GALNT13: variants seen among roughly 807,000 people sequenced by gnomAD.
The protein encoded by GALNT13 is polypeptide N-acetylgalactosaminyltransferase 13.
A neutral mutation model predicts 64.2 loss-of-function variants in GALNT13; 28 were observed. The observed-to-expected ratio is 0.44, with a 90% CI of 0.32 to 0.60. The LOEUF (loss-of-function observed/expected upper bound fraction) is 0.60. GALNT13 is among the 20% of genes least tolerant of loss of function. The pLI, the probability that GALNT13 is intolerant of heterozygous loss-of-function variation, is 0.05. For synonymous variants in GALNT13, 214 were observed against 224.6 expected (o/e 0.95, Z 0.42); for missense variants, 577 against 669.8 (o/e 0.86, Z 1.53).
the GALNT13 span, among the ~76,000 whole-genome samples, chr2:153,111,952 A>G: frequency 6.6e-6 from 1 of 152,208 alleles, no homozygotes; most frequent in Non-Finnish European, 1.5e-5. Flanking sequence ...TACATAGGCC[A>G]TTATCCTAGT....
At chr2:154,007,133 A>G (rs1402549133) in intron 3 of GALNT13, among the ~76,000 whole-genome samples, 1 of 152,236 alleles carries the variant, frequency 6.6e-6, no homozygotes, top group Non-Finnish European at 1.5e-5. Flanking sequence ...AGACGCTCTT[A>G]CTGGCCTTGA....
At chr2:154,202,814 C>A (rs936379895) in intron 4 of GALNT13, among the ~76,000 whole-genome samples, 1 of 152,100 alleles carries the variant, frequency 6.6e-6, no homozygotes, top group Non-Finnish European at 1.5e-5. Context: ...TGACTACCAT[C>A]GGTGATTCCA....
the GALNT13 span, among the ~76,000 whole-genome samples, chr2:153,689,885 C>A: frequency 6.6e-6 from 1 of 152,018 alleles, no homozygotes; most frequent in Admixed American, 6.6e-5. Flanking sequence ...AAGGGACATT[C>A]ATTTTGTATC....
the GALNT13 span, among the ~76,000 whole-genome samples, chr2:153,068,874 C>G: frequency 6.6e-6 from 1 of 152,132 alleles, no homozygotes; most frequent in Non-Finnish European, 1.5e-5. Context: ...TTCTCCTCCC[C>G]AATTGAATAA....
chr2:153,414,047 T>C, the GALNT13 span, among the ~76,000 whole-genome samples: 1 of 152,192 alleles, frequency 6.6e-6, no homozygotes, highest in Non-Finnish European at 1.5e-5. Context: ...ATAAGCTTTA[T>C]GAGAAATTTT....
At chr2:153,377,429 G>T in the GALNT13 span, among the ~76,000 whole-genome samples, 1 of 152,168 alleles carries the variant, frequency 6.6e-6, no homozygotes, top group Admixed American at 6.5e-5. Flanking sequence ...GAGGTGTTTT[G>T]GTCATGAGGG....
chr2:153,967,476 T>C (rs1157756900), intron 3 of GALNT13, among the ~76,000 whole-genome samples: 2 of 152,188 alleles, frequency 1.3e-5, no homozygotes, highest in African/African-American at 4.8e-5. Context: ...CCAGGAACAC[T>C]GTGGCTCTTC....
At chr2:153,693,879 C>T in the GALNT13 span, among the ~76,000 whole-genome samples, 1 of 152,026 alleles carries the variant, frequency 6.6e-6, no homozygotes, top group African/African-American at 2.4e-5. Flanking sequence ...CTTTGGGAGG[C>T]CGAGGTGGGC....
At chr2:154,004,018 C>A (rs1318378012) in intron 3 of GALNT13, among the ~76,000 whole-genome samples, 1 of 152,118 alleles carries the variant, frequency 6.6e-6, no homozygotes, top group Non-Finnish European at 1.5e-5. Context: ...AAAAAACAGA[C>A]TAATACATAC....
At chr2:153,418,630 G>T in the GALNT13 span, among the ~76,000 whole-genome samples, 1 of 152,158 alleles carries the variant, frequency 6.6e-6, no homozygotes, top group Non-Finnish European at 1.5e-5. Flanking sequence ...TGGAGGTCAC[G>T]GATGACCTTG....
chr2:153,872,699 C>A (rs1439989669), intron 1 of GALNT13, among the ~76,000 whole-genome samples: 1 of 150,760 alleles, frequency 6.6e-6, no homozygotes, highest in African/African-American at 2.4e-5. Flanking sequence ...GCCTCCAAGC[C>A]CAGACAACTT....
At chr2:153,632,735 T>C in the GALNT13 span, among the ~76,000 whole-genome samples, 1 of 152,086 alleles carries the variant, frequency 6.6e-6, no homozygotes, top group African/African-American at 2.4e-5. Context: ...ATAGCTCATT[T>C]ATTTATTTTT....
At position 154,206,654 on chromosome 2, in the gene GALNT13, G is replaced by A. The variant is rs557600942; in HGVS notation, c.312-35376G>A. On this transcript the variant is annotated intron_variant, in intron 4 of 12. Transcript: ENST00000392825. ...TACTAAAAATACAAAAACATTAGCC[G>A]GGTGTGGTGGTGGGTGCCTGTAATC... 2.0e-3 allele frequency among the ~76,000 whole-genome samples: 299 copies of A among 151,900 alleles called. 1 individual carries two copies. The highest frequency in any genetic ancestry group is 6.6e-3 in the African/African-American group (273 of 41,454).
chr2:153,686,941 A>G, the GALNT13 span, among the ~76,000 whole-genome samples: 4 of 152,068 alleles, frequency 2.6e-5, no homozygotes, highest in Non-Finnish European at 5.9e-5. Flanking sequence ...GATGAATCAC[A>G]TTTATTGATT....
At chr2:153,432,163 C>T in the GALNT13 span, among the ~76,000 whole-genome samples, 1 of 152,134 alleles carries the variant, frequency 6.6e-6, no homozygotes, top group Non-Finnish European at 1.5e-5. Context: ...AACAACCTTG[C>T]TTCCTAGAGT....
chr2:154,287,946 AG>A (rs1692369561), intron 8 of GALNT13, among the ~76,000 whole-genome samples: 1 of 152,126 alleles, frequency 6.6e-6, no homozygotes, highest in Non-Finnish European at 1.5e-5. Flanking sequence ...CGGAGATTCT[AG>A]GTGCCTCAAA....
the GALNT13 span, among the ~76,000 whole-genome samples, chr2:153,668,369 G>A: frequency 6.6e-6 from 1 of 152,092 alleles, no homozygotes; most frequent in African/African-American, 2.4e-5. Flanking sequence ...TAAAGCAATT[G>A]TCAAAAATTC....
At chr2:153,359,940 T>C in the GALNT13 span, among the ~76,000 whole-genome samples, 1 of 152,202 alleles carries the variant, frequency 6.6e-6, no homozygotes, top group Non-Finnish European at 1.5e-5. Context: ...AGCCTCGTTA[T>C]AGGTTCACCC....
At chr2:153,811,423 A>C in the GALNT13 span, among the ~76,000 whole-genome samples, 1 of 152,332 alleles carries the variant, frequency 6.6e-6, no homozygotes, top group African/African-American at 2.4e-5. Context: ...ATCAAATTTA[A>C]AGTGTAATCA....
Sources: gnomAD v4.1 joint callset for allele counts (sites outside exome capture counted in the v4.1 genomes callset) on GRCh38, gnomAD v4.1.1 for gene constraint, MANE v1.5 for transcripts, NCBI Gene and HGNC (gene_info 2026-07-23, HGNC 2026-07-21) for gene names.